The following ZNF654 variants were observed in gnomAD, a reference collection of about 807,000 sequenced individuals.
The protein encoded by ZNF654 is zinc finger protein 654, also known as melanoma-associated antigen.
In ZNF654, 19 loss-of-function variants were observed where a neutral mutation model predicts 95.3. The ratio of observed to expected loss-of-function variants is 0.20; its 90% CI spans 0.14 to 0.29. The LOEUF (loss-of-function observed/expected upper bound fraction) is 0.29, where lower values mean the gene tolerates loss of function less well. ZNF654 is among the 10% of genes least tolerant of loss of function. The probability of loss-of-function intolerance (pLI) is 1.00; values close to 1 mark genes in which losing one functional copy is unlikely to be tolerated. For synonymous variants in ZNF654, 413 were observed against 457.9 expected (o/e 0.90, Z 1.25); for missense variants, 1,046 against 1,341.0 (o/e 0.78, Z 3.44).
intron 2 of ZNF654, among the ~76,000 whole-genome samples, chr3:88,109,965 T>C (rs1704989744): frequency 6.6e-6 from 1 of 152,124 alleles, no homozygotes; most frequent in Non-Finnish European, 1.5e-5. Flanking sequence ...TTAAGAATAA[T>C]TAGCCTGTTA....
At chr3:88,133,818 A>G (rs1215648322) in intron 6 of ZNF654, among the ~76,000 whole-genome samples, 4 of 152,176 alleles carry the variant, frequency 2.6e-5, no homozygotes, top group Non-Finnish European at 5.9e-5. Context: ...AAAGGGTAAC[A>G]TTGAGAAAGA....
chr3:88,125,423 T>C (rs1706039388), intron 3 of ZNF654, among the ~76,000 whole-genome samples: 1 of 152,156 alleles, frequency 6.6e-6, no homozygotes, highest in Non-Finnish European at 1.5e-5. Context: ...GAAAAACATT[T>C]CAAATATCTT....
chr3:88,132,932 A>G (rs1706553068), intron 6 of ZNF654, among the ~76,000 whole-genome samples: 1 of 152,212 alleles, frequency 6.6e-6, no homozygotes. Flanking sequence ...AGTATGAGCT[A>G]CATGAAAGCT....
At chr3:88,104,621 A>T (rs1159767557) in intron 2 of ZNF654, among the ~76,000 whole-genome samples, 1 of 152,232 alleles carries the variant, frequency 6.6e-6, no homozygotes, top group Non-Finnish European at 1.5e-5. Context: ...AAGCACCATA[A>T]TATTATTTGA....
At chr3:88,094,104 C>CTTT (rs11449650) in intron 2 of ZNF654, among the ~76,000 whole-genome samples, 1 of 147,846 alleles carries the variant, frequency 6.8e-6, no homozygotes, top group African/African-American at 2.5e-5. Flanking sequence ...AGATAATATT[C>CTTT]TTTTTTTTTT....
At chr3:88,126,382 G>C in intron 4 of ZNF654, 113 bp downstream of exon 4, 3 of 1,109,602 alleles carry the variant, frequency 2.7e-6, no homozygotes, top group Non-Finnish European at 3.5e-6. Flanking sequence ...CTGAATAATG[G>C]GAGTGATGTA....
chr3:88,097,355 G>C (rs1485535245), intron 2 of ZNF654, among the ~76,000 whole-genome samples: 4 of 151,314 alleles, frequency 2.6e-5, no homozygotes, highest in African/African-American at 7.3e-5. Flanking sequence ...TCACACCTTT[G>C]TCAACAGTTT....
chr3:88,084,315 C>T (rs1478346546), intron 1 of ZNF654, among the ~76,000 whole-genome samples: 1 of 152,058 alleles, frequency 6.6e-6, no homozygotes, highest in East Asian at 1.9e-4. Context: ...GGACTGGGAA[C>T]AAGAAAAATG....
At chr3:88,102,189 C>T (rs1704466663) in intron 2 of ZNF654, among the ~76,000 whole-genome samples, 1 of 151,938 alleles carries the variant, frequency 6.6e-6, no homozygotes, top group Non-Finnish European at 1.5e-5. Context: ...CTTCGTGTTT[C>T]TTGATTTTAA....
At chr3:88,060,489 T>C (rs1335821369) in intron 1 of ZNF654, among the ~76,000 whole-genome samples, 1 of 152,176 alleles carries the variant, frequency 6.6e-6, no homozygotes. Flanking sequence ...GGGAAAAAAA[T>C]TAACTGCTCC....
At chr3:88,129,321 T>TAAAAAA (rs11370327) in intron 5 of ZNF654, among the ~76,000 whole-genome samples, 1 of 76,946 alleles carries the variant, frequency 1.3e-5, no homozygotes, top group Non-Finnish European at 2.4e-5. Context: ...TTGCCAGGAG[T>TAAAAAA]AAAAAAAAAA....
rs201484264 is a variant in ZNF654 at position 88,139,648 on chromosome 3, A to G, written c.1979A>G (p.Glu660Gly). The G allele has an allele frequency of 9.6e-5, 155 of 1,611,914 alleles. No homozygotes were observed. In the African/African-American group the frequency reaches 2.0e-3, roughly 20 times the overall value. The change falls in exon 8 of 9, where the codon GAA becomes GGA. Residue 660 changes from glutamate (E) to glycine (G), a missense_variant. Physicochemically the swap from Glu to Gly is moderately conservative, Grantham distance 98. This residue lies in a region of ZNF654 where 495 missense variants were observed against 537.0 expected (regional missense o/e 0.92). Transcript: ENST00000636215. ...GAAGTCATCCCTGAGCATGTGGCTG[A>G]ATTCATTGAAATTCCCATAAGTGTA... ...NKEVIPEHVA[E>G]FIEIPISVPE...
chr3:88,065,720 T>TTTA (rs1198719306), intron 1 of ZNF654, among the ~76,000 whole-genome samples: 1 of 152,052 alleles, frequency 6.6e-6, no homozygotes, highest in African/African-American at 2.4e-5. Flanking sequence ...TCACAGATTG[T>TTTA]TTATTATTAT....
chr3:88,099,585 C>A (rs533961852), intron 2 of ZNF654, among the ~76,000 whole-genome samples: 48 of 152,246 alleles, frequency 3.2e-4, no homozygotes, highest in African/African-American at 1.1e-3. Context: ...TACTACAAGG[C>A]TACAGTAACC....
chr3:88,108,929 T>G (rs971761766), intron 2 of ZNF654, among the ~76,000 whole-genome samples: 5 of 152,198 alleles, frequency 3.3e-5, no homozygotes, highest in African/African-American at 1.2e-4. Flanking sequence ...ATGCTAGTTT[T>G]ACTGTCACAC....
intron 1 of ZNF654, among the ~76,000 whole-genome samples, chr3:88,075,797 T>C (rs914655178): frequency 6.6e-6 from 1 of 152,172 alleles, no homozygotes; most frequent in Non-Finnish European, 1.5e-5. Context: ...TTATCTCTTG[T>C]AGTGTCTTCC....
At chr3:88,129,192 C>CA in intron 5 of ZNF654, 181 bp downstream of exon 5, 1 of 522,824 alleles carries the variant, frequency 1.9e-6, no homozygotes, top group East Asian at 3.0e-5. Context: ...TTGAATTAGT[C>CA]AAAATCTGAT....
chr3:88,082,660 TG>T (rs1015351515), intron 1 of ZNF654, among the ~76,000 whole-genome samples: 2 of 152,170 alleles, frequency 1.3e-5, no homozygotes, highest in African/African-American at 4.8e-5. Context: ...GGTTTAGATA[TG>T]AAGATCATTG....
intron 5 of ZNF654, 125 bp downstream of exon 5, chr3:88,129,136 C>G: frequency 1.5e-6 from 1 of 669,110 alleles, no homozygotes; most frequent in Non-Finnish European, 2.4e-6. Context: ...TTAAGGATTA[C>G]ATTATCTGGA....
Sources: allele counts gnomAD v4.1 joint callset (sites outside exome capture counted in the v4.1 genomes callset), GRCh38; gene constraint gnomAD v4.1.1; regional missense constraint gnomAD v4.1.1; transcripts MANE v1.5; gene names NCBI Gene and HGNC (gene_info 2026-07-23, HGNC 2026-07-21).